Variants in SRGAP3 observed in about 807,000 individuals in gnomAD.
The protein encoded by SRGAP3 is SLIT-ROBO Rho GTPase activating protein 3.
A neutral mutation model predicts 121.1 loss-of-function variants in SRGAP3; 39 were observed. The ratio of observed to expected loss-of-function variants is 0.32; its 90% CI spans 0.25 to 0.42. The LOEUF is 0.42. Among genes scored for constraint, SRGAP3 ranks in the 10% least tolerant of loss-of-function variants. The pLI is 1.00. For synonymous variants in SRGAP3, 601 were observed against 570.0 expected (o/e 1.05, Z -0.77); for missense variants, 1,213 against 1,470.6 (o/e 0.82, Z 2.86).
At position 9,239,151 on chromosome 3, in the gene SRGAP3, G is replaced by T. The variant is rs11719882; in HGVS notation, c.67+9734C>A. ...TCCCAGCATTTTGGGAGGCCAAGGT[G>T]GGAGGATCACTTGAGGTCAGGAGTT... On this transcript the variant is annotated intron_variant, in intron 1 of 21. Transcript: ENST00000383836. The surrounding 1 kb of genome is among the most constrained non-coding windows in gnomAD (Gnocchi z 4.0). Among the ~76,000 whole-genome samples, 59,746 of 152,052 alleles carry T rather than the reference G, an allele frequency of 0.39. 12,653 individuals are homozygous for T. The highest frequency in any genetic ancestry group is 0.49 in the Admixed American group (7,456 of 15,286).
chr3:9,219,728 G>C (rs1336204959), intron 1 of SRGAP3, among the ~76,000 whole-genome samples: 2 of 152,174 alleles, frequency 1.3e-5, no homozygotes, highest in African/African-American at 2.4e-5. Context: ...GTGGGCACCT[G>C]TAGTCCCAGC....
chr3:9,276,049 G>C (rs1029344627), intron 3 of SRGAP3, among the ~76,000 whole-genome samples: 1 of 151,876 alleles, frequency 6.6e-6, no homozygotes, highest in Non-Finnish European at 1.5e-5. Context: ...AAAAAAAGTC[G>C]GAAGGAAGGA....
intron 1 of SRGAP3, among the ~76,000 whole-genome samples, chr3:9,136,394 A>ACCCCTC (rs1553675067): frequency 2.8e-5 from 1 of 35,324 alleles, no homozygotes; most frequent in African/African-American, 1.4e-4. Context: ...CGTCGCTGGG[A>ACCCCTC]CCCCCCCCCC....
chr3:9,104,968 A>T, intron 2 of SRGAP3, 126 bp from the exon 3 acceptor site: 2 of 1,158,096 alleles, frequency 1.7e-6, no homozygotes, highest in Non-Finnish European at 1.3e-6. Flanking sequence ...TTGTTGTTAC[A>T]CCTTATACAG....
chr3:9,251,102 T>G (rs550425979), upstream of SRGAP3, among the ~76,000 whole-genome samples: 9 of 152,290 alleles, frequency 5.9e-5, no homozygotes, highest in African/African-American at 2.2e-4. Flanking sequence ...CTAGAGGACA[T>G]GGCAGCTGCA....
chr3:9,242,725 C>A (rs1419942198), intron 1 of SRGAP3, among the ~76,000 whole-genome samples: 2 of 152,204 alleles, frequency 1.3e-5, no homozygotes, highest in Non-Finnish European at 2.9e-5. Flanking sequence ...CATTCTGTCA[C>A]CCAAGCCGGA....
intron 14 of SRGAP3, among the ~76,000 whole-genome samples, chr3:9,017,172 C>T (rs1943680561): frequency 6.6e-6 from 1 of 152,136 alleles, no homozygotes; most frequent in African/African-American, 2.4e-5. Context: ...ATTAGGTGTG[C>T]TCATTGCTAC....
At chr3:9,092,930 G>C (rs1429499356) in intron 3 of SRGAP3, among the ~76,000 whole-genome samples, 3 of 152,048 alleles carry the variant, frequency 2.0e-5, no homozygotes, top group Non-Finnish European at 4.4e-5. Flanking sequence ...TTTCTTGATT[G>C]TGTCCCTGAT....
At chr3:9,077,839 C>G (rs1947044234) in intron 4 of SRGAP3, among the ~76,000 whole-genome samples, 1 of 152,228 alleles carries the variant, frequency 6.6e-6, no homozygotes, top group Admixed American at 6.5e-5. Context: ...CTACAAACCA[C>G]AGAAAGGTGA....
At chr3:9,325,854 T>C (rs1223603332) in intron 3 of SRGAP3, among the ~76,000 whole-genome samples, 1 of 151,980 alleles carries the variant, frequency 6.6e-6, no homozygotes, top group East Asian at 1.9e-4. Context: ...GACCCCTTTT[T>C]CATTTCTATT....
chr3:8,986,075 T>C (rs1941688183), intron 21 of SRGAP3, 143 bp from the exon 22 acceptor site: 2 of 1,506,832 alleles, frequency 1.3e-6, no homozygotes, highest in South Asian at 1.2e-5. Context: ...GGATGTCTTA[T>C]AACCACATGG....
intron 3 of SRGAP3, among the ~76,000 whole-genome samples, chr3:9,280,974 G>GGC (rs1265555189): frequency 2.0e-5 from 3 of 152,094 alleles, no homozygotes; most frequent in African/African-American, 7.2e-5. Context: ...AATTGTTGGG[G>GGC]GTGGTGGGAG....
chr3:9,137,810 T>TGAAG (rs909933169), intron 1 of SRGAP3, among the ~76,000 whole-genome samples: 3 of 152,172 alleles, frequency 2.0e-5, no homozygotes, highest in African/African-American at 7.2e-5. Flanking sequence ...TTCCTTCCCA[T>TGAAG]GAAGAAGTCA....
In SRGAP3 at chr3:9,240,222, G is replaced by A. The variant is rs183579752; in HGVS notation, c.67+8663C>T. On this transcript the variant is annotated intron_variant, in intron 1 of 21. Coordinates refer to ENST00000383836, the MANE Select transcript of SRGAP3 (RefSeq NM_014850.4). ...TAGCATAATGATTCAACAAACTGAGGGAATAGAGTTAAAGTGCCATTATTT... is the reference window on the plus strand; with the variant it reads ...TAGCATAATGATTCAACAAACTGAGAGAATAGAGTTAAAGTGCCATTATTT... Among the ~76,000 whole-genome samples, 5 of 152,204 alleles carry A rather than the reference G, an allele frequency of 3.3e-5. No homozygotes were observed. The East Asian group carries it at 9.7e-4, about 29-fold the overall frequency.
chr3:9,354,810 T>C (rs1280894087), intron 1 of SRGAP3, among the ~76,000 whole-genome samples: 2 of 152,082 alleles, frequency 1.3e-5, no homozygotes, highest in African/African-American at 2.4e-5. Flanking sequence ...ATATGAATCA[T>C]CACACTTAAT....
intron 1 of SRGAP3, among the ~76,000 whole-genome samples, chr3:9,156,995 G>T (rs1950440283): frequency 6.6e-6 from 1 of 152,146 alleles, no homozygotes; most frequent in Non-Finnish European, 1.5e-5. Flanking sequence ...TCCAAGTATA[G>T]ATCCATGGGT....
Position 9,042,023 on chromosome 3 carries a change from C to T in SRGAP3, c.1409-3933G>A, listed in dbSNP as rs117467280. ...GGCTAAGACACAAGAATCGCTTGAA[C>T]CCAGGAGTTGGAGGTTACAATAAGC... On this transcript the variant is annotated intron_variant, in intron 10 of 21. Coordinates refer to ENST00000383836, the MANE Select transcript of SRGAP3 (RefSeq NM_014850.4). Among the ~76,000 whole-genome samples, 574 of 151,302 alleles carry T rather than the reference C, an allele frequency of 3.8e-3. 18 individuals carry two copies. The East Asian group carries it at 0.06, about 16-fold the overall frequency.
At chr3:9,160,332 T>C (rs932174506) in intron 1 of SRGAP3, among the ~76,000 whole-genome samples, 3 of 152,180 alleles carry the variant, frequency 2.0e-5, no homozygotes, top group Non-Finnish European at 1.5e-5. Context: ...GTTGATGGTG[T>C]ATGACTTCCA....
At chr3:9,295,417 T>A (rs62244930) in intron 3 of SRGAP3, among the ~76,000 whole-genome samples, 1 of 152,210 alleles carries the variant, frequency 6.6e-6, no homozygotes, top group South Asian at 2.1e-4. Context: ...ATCTCTACAC[T>A]CTAGCATCGT....
Sources: allele counts gnomAD v4.1 joint callset (sites outside exome capture counted in the v4.1 genomes callset), GRCh38; gene constraint gnomAD v4.1.1; non-coding constraint Gnocchi (gnomAD v3.1); transcripts MANE v1.5; gene names NCBI Gene and HGNC (gene_info 2026-07-23, HGNC 2026-07-21).